The following SLC22A23 variants were observed in gnomAD, a reference collection of about 807,000 sequenced individuals.
The protein encoded by SLC22A23 is solute carrier family 22 member 23.
In SLC22A23, 26 loss-of-function variants were observed where a neutral mutation model predicts 61.0. The ratio of observed to expected loss-of-function variants is 0.43; its 90% CI spans 0.31 to 0.59. The LOEUF (loss-of-function observed/expected upper bound fraction) is 0.59. SLC22A23 is among the 20% of genes least tolerant of loss of function. SLC22A23 has a pLI of 0.11. For synonymous variants in SLC22A23, 430 were observed against 413.9 expected (o/e 1.04, Z -0.47); for missense variants, 796 against 934.7 (o/e 0.85, Z 1.94).
chr6:3,362,121 C>T lies in SLC22A23; in HGVS notation c.914-38119G>A, dbSNP rs368936820. On this transcript the variant is annotated intron_variant, in intron 3 of 9. Transcript: ENST00000406686. ...TTTAAGCAAACTTTAAAAAAATTAGCGGCCAGGTGTGGTGGCTCACGCCTG... is the reference window on the plus strand; with the variant it reads ...TTTAAGCAAACTTTAAAAAAATTAGTGGCCAGGTGTGGTGGCTCACGCCTG... 1.4e-4 allele frequency among the ~76,000 whole-genome samples: 22 copies of T among 151,842 alleles called. 1 individual carries two copies. Among genetic ancestry groups the T allele is most frequent in the Admixed American group, 8.5e-4 (13 of 15,268 alleles).
At chr6:3,443,948 C>A (rs1771749533) in intron 1 of SLC22A23, among the ~76,000 whole-genome samples, 1 of 152,164 alleles carries the variant, frequency 6.6e-6, no homozygotes, top group African/African-American at 2.4e-5. Context: ...CACTCCCCAC[C>A]CCACTTTGTG....
rs1215964930 is a variant in SLC22A23, at chr6:3,318,223, G to A, written c.1082+5611C>T. Among the ~76,000 whole-genome samples, 3 of 152,164 alleles carry A rather than the reference G, an allele frequency of 2.0e-5. No homozygotes were observed. The highest frequency in any genetic ancestry group is 4.4e-5 in the Non-Finnish European group (3 of 68,010). ...ATTTCCTAATGTTTTAACATCTGGA[G>A]CCTTGCTGATTCCAGAGAGGCTGCT... On this transcript the variant is annotated intron_variant, in intron 4 of 9. Transcript: ENST00000406686. The surrounding 1 kb of genome is among the most constrained non-coding windows in gnomAD (Gnocchi z 4.3).
At chr6:3,303,377 C>T (rs913905413) in intron 4 of SLC22A23, 1 of 152,212 alleles carries the variant, frequency 6.6e-6, no homozygotes, top group African/African-American at 2.4e-5. Context: ...GAAAGGAAAA[C>T]AGTCAAAGAG....
intron 1 of SLC22A23, among the ~76,000 whole-genome samples, chr6:3,434,300 G>A (rs370473395): frequency 3.3e-5 from 5 of 149,890 alleles, no homozygotes; most frequent in South Asian, 2.1e-4. Flanking sequence ...GCGACAGAGC[G>A]AAACTCTGTA....
rs535589029 is a variant in SLC22A23, at chr6:3,316,769, C to T, written c.1082+7065G>A. The stretch of plus-strand genomic sequence containing the variant: ...CCTCTCACCTCAGCCTCCTCAGTAG[C>T]TGGGATACAGACACGTGCTCCCATG... On this transcript the variant is annotated intron_variant, in intron 4 of 9. Transcript: ENST00000406686. Among the ~76,000 whole-genome samples the T allele has an allele frequency of 2.6e-5, 4 of 152,176 alleles. No homozygotes were observed. The South Asian group carries it at 8.3e-4, about 32-fold the overall frequency.
chr6:3,452,196 CA>C (rs1772183491), intron 1 of SLC22A23, among the ~76,000 whole-genome samples: 2 of 152,134 alleles, frequency 1.3e-5, no homozygotes, highest in Admixed American at 1.3e-4. Flanking sequence ...TATCTGGACA[CA>C]AGACACAACA....
At position 3,372,317 on chromosome 6, in the gene SLC22A23, G is replaced by C. The variant is rs1766272774; in HGVS notation, c.913+37871C>G. Among the ~76,000 whole-genome samples the C allele has an allele frequency of 6.6e-6, 1 of 152,232 alleles. No individual in the cohort carries two copies. Reference sequence around the variant, plus strand: ...GGTATGAATGCAGTAACAGGTAACAGGGATTTGAAAATGTGGAATAAAAGT... The same window carrying C: ...GGTATGAATGCAGTAACAGGTAACACGGATTTGAAAATGTGGAATAAAAGT... On this transcript the variant is annotated intron_variant, in intron 3 of 9. Coordinates refer to ENST00000406686, the MANE Select transcript of SLC22A23 (RefSeq NM_015482.2). This position sits in a 1 kb window ranked among gnomAD's most constrained non-coding sequence, Gnocchi z 4.7.
intron 9 of SLC22A23, among the ~76,000 whole-genome samples, chr6:3,280,759 G>A (rs1403912939): frequency 1.3e-5 from 2 of 152,140 alleles, no homozygotes; most frequent in Non-Finnish European, 1.5e-5. Flanking sequence ...GCCTCCCAAA[G>A]TGCTGGGATT....
intron 1 of SLC22A23, among the ~76,000 whole-genome samples, chr6:3,453,796 A>G (rs11242858): frequency 0.81 from 123,292 of 152,096 alleles, 50,696 homozygotes; most frequent in African/African-American, 0.94. Context: ...TATCCACTGA[A>G]AGAAGGCAAA....
chr6:3,280,946 C>CT (rs1759420954), intron 9 of SLC22A23, among the ~76,000 whole-genome samples: 2 of 152,148 alleles, frequency 1.3e-5, no homozygotes, highest in Non-Finnish European at 2.9e-5. Flanking sequence ...TCAGGGAGGC[C>CT]TGTCCGACTT....
chr6:3,334,197 T>C (rs11969383), intron 3 of SLC22A23, among the ~76,000 whole-genome samples: 4,538 of 152,322 alleles, frequency 0.03, 217 homozygotes, highest in African/African-American at 0.1. Context: ...GTTTCACTCT[T>C]GTTGTCCAGG....
intron 3 of SLC22A23, among the ~76,000 whole-genome samples, chr6:3,347,358 C>G (rs1355162223): frequency 6.6e-6 from 1 of 152,218 alleles, no homozygotes. Flanking sequence ...AGAGCTGACA[C>G]AGAGAAGACT....
At chr6:3,369,914 A>G (rs920729722) in intron 3 of SLC22A23, among the ~76,000 whole-genome samples, 12 of 152,240 alleles carry the variant, frequency 7.9e-5, no homozygotes, top group African/African-American at 2.4e-4. Flanking sequence ...ACATTTAGGT[A>G]TATCTCCACA....
intron 3 of SLC22A23, among the ~76,000 whole-genome samples, chr6:3,355,858 G>A (rs1458396422): frequency 6.6e-6 from 1 of 150,796 alleles, no homozygotes; most frequent in East Asian, 2.0e-4. Context: ...CGACACGGAG[G>A]AGCCACTGGA....
chr6:3,382,049 G>A (rs557063436), intron 3 of SLC22A23, among the ~76,000 whole-genome samples: 64 of 152,356 alleles, frequency 4.2e-4, no homozygotes, highest in African/African-American at 1.4e-3. Context: ...CTCAGTGGAG[G>A]TGGATCCTCC....
At chr6:3,355,757 T>C (rs1561920006) in intron 3 of SLC22A23, among the ~76,000 whole-genome samples, 1 of 151,612 alleles carries the variant, frequency 6.6e-6, no homozygotes, top group Non-Finnish European at 1.5e-5. Flanking sequence ...TCTTAAGTTC[T>C]GGGCCACGGG....
chr6:3,282,133 G>A (rs548837600), intron 9 of SLC22A23: 2 of 692,088 alleles, frequency 2.9e-6, no homozygotes, highest in Non-Finnish European at 5.3e-6. Context: ...CAGGAGGCCA[G>A]CTGGAAACCC....
At chr6:3,362,837 T>C (rs745788011) in intron 3 of SLC22A23, among the ~76,000 whole-genome samples, 1 of 121,192 alleles carries the variant, frequency 8.3e-6, no homozygotes, top group Non-Finnish European at 1.8e-5. Context: ...CGAATAAAGA[T>C]TTTGAGGGCA....
chr6:3,295,333 C>T (rs1269070448), intron 5 of SLC22A23, among the ~76,000 whole-genome samples: 6 of 152,154 alleles, frequency 3.9e-5, no homozygotes, highest in Non-Finnish European at 8.8e-5. Context: ...AGGGAGTGTG[C>T]ACCGGGAGGG....
Sources: allele counts gnomAD v4.1 joint callset (sites outside exome capture counted in the v4.1 genomes callset), GRCh38; gene constraint gnomAD v4.1.1; non-coding constraint Gnocchi (gnomAD v3.1); transcripts MANE v1.5; gene names NCBI Gene and HGNC (gene_info 2026-07-23, HGNC 2026-07-21).